Variants in MAP3K15 observed in about 807,000 individuals in gnomAD.
The protein encoded by MAP3K15 is mitogen-activated protein kinase kinase kinase 15.
In MAP3K15, 124 loss-of-function variants were observed where a neutral mutation model predicts 99.5. The observed-to-expected ratio is 1.25, with a 90% CI of 1.08 to 1.45. The LOEUF is 1.45. Among genes scored for constraint, MAP3K15 ranks in the 40% most tolerant of loss-of-function variants. The probability of loss-of-function intolerance (pLI) is 0.00; values close to 1 mark genes in which losing one functional copy is unlikely to be tolerated. For missense variants in MAP3K15, 1,242 were observed against 1,079.7 expected, an observed-to-expected ratio of 1.15 and a Z score of -2.11; for synonymous variants, 494 against 439.6, an observed-to-expected ratio of 1.12 and a Z score of -1.55.
At chrX:19,407,469 A>G (rs749766013) in intron 12 of MAP3K15, among the ~76,000 whole-genome samples, 186 bp from the exon 13 acceptor site, 38 of 111,915 alleles carry the variant, frequency 3.4e-4, no homozygotes, top group African/African-American at 1.2e-3. Flanking sequence ...TCTTGCTTAT[A>G]TTTGAGTTTG....
In MAP3K15 at chrX:19,469,966, G is replaced by A. The variant is rs1337314363; in HGVS notation, c.526-5560C>T. Among the ~76,000 whole-genome samples the A allele has an allele frequency of 3.6e-5, 4 of 110,465 alleles. No homozygotes were observed. In the East Asian group the frequency reaches 1.1e-3, roughly 31 times the overall value. On this transcript the variant is annotated intron_variant, in intron 3 of 28. Coordinates refer to ENST00000338883, the MANE Select transcript of MAP3K15 (RefSeq NM_001001671.4). The stretch of plus-strand genomic sequence containing the variant: ...ACACTGGTGGTGGGACTGTAAACTA[G>A]TTCAACCATTGTGGAAGTCAGTGTG...
At chrX:19,389,474 C>G (rs995572480) in intron 18 of MAP3K15, among the ~76,000 whole-genome samples, 3 of 111,297 alleles carry the variant, frequency 2.7e-5, no homozygotes, top group Non-Finnish European at 5.7e-5. Context: ...TGAGCAACCA[C>G]AGACCCAGAG....
intron 21 of MAP3K15, chrX:19,373,315 G>T: frequency 2.6e-6 from 1 of 391,630 alleles, no homozygotes; most frequent in African/African-American, 3.0e-5. Context: ...GTGGGGGAGG[G>T]CACATGTGGG....
chrX:19,362,776 T>G lies in MAP3K15; in HGVS notation c.3641A>C (p.Gln1214Pro), dbSNP rs1475350527. The change falls in exon 26 of 29, where the codon CAA (glutamine) becomes CCA (proline). Residue 1214 changes from glutamine (Q) to proline (P), a missense_variant. Physicochemically the swap from Gln to Pro is moderately conservative, Grantham distance 76 (BLOSUM62 -1). Transcript: ENST00000338883. ...TTTTAACTGAAGGTGATACAATTCT[T>G]GAGTTTTCTGTTCTAGAGTTTGCCG... is the stretch of plus-strand genomic sequence containing the variant. The part of the protein sequence containing the change: ...LLRQTLEQKT[Q>P]ELYHLQLKLK... 8.4e-7 allele frequency: 1 copy of G among 1,196,020 alleles called. No homozygotes were observed.
At chrX:19,397,628 A>G (rs1231230974) in intron 15 of MAP3K15, among the ~76,000 whole-genome samples, 1 of 111,230 alleles carries the variant, frequency 9.0e-6, no homozygotes, top group East Asian at 2.8e-4. Flanking sequence ...ATGTATATAT[A>G]TTTGCAAACA....
At chrX:19,393,757 GCT>G (rs2063544234) in intron 16 of MAP3K15, among the ~76,000 whole-genome samples, 1 of 93,608 alleles carries the variant, frequency 1.1e-5, no homozygotes, top group Non-Finnish European at 2.0e-5. Flanking sequence ...CCACTGCCTG[GCT>G]CTTTTTTTTT....
At chrX:19,384,787 A>T (rs1173267331) in intron 18 of MAP3K15, among the ~76,000 whole-genome samples, 58 of 103,462 alleles carry the variant, frequency 5.6e-4, no homozygotes, top group African/African-American at 1.9e-3. Context: ...AAAACTGTAC[A>T]TTTTAAAAAA....
At position 19,369,048 on chromosome X, in the gene MAP3K15, C is replaced by CCCAGAGGAGAGACCAA; in HGVS notation, c.3566+5_3566+6insTTGGTCTCTCCTCTGG. 1 of 1,189,393 alleles carries CCCAGAGGAGAGACCAA rather than the reference C, an allele frequency of 8.4e-7. No homozygotes were observed. The highest frequency in any genetic ancestry group is 1.1e-6 in the Non-Finnish European group (1 of 884,945). On this transcript the variant is annotated splice_donor_region_variant and intron_variant, in intron 25 of 28. Transcript: ENST00000338883. ...GCTCCCAGAGGAGGGCCCAGAAGCT[C>CCCAGAGGAGAGACCAA]CTCACCTGTTGGTCTCCTGTCTGAG...
chrX:19,489,865 G>A (rs1051098891), intron 1 of MAP3K15, among the ~76,000 whole-genome samples: 6 of 110,156 alleles, frequency 5.4e-5, no homozygotes, highest in East Asian at 2.9e-4. Context: ...GTGAAACCCC[G>A]TCTCTACTAA....
At chrX:19,407,108 A>C (rs2063654060) in intron 13 of MAP3K15, 80 bp downstream of exon 13, 1 of 562,579 alleles carries the variant, frequency 1.8e-6, no homozygotes. Flanking sequence ...AATAGCAAGT[A>C]AATATCTTTC....
chrX:19,430,326 G>A (rs1028612311), intron 7 of MAP3K15, among the ~76,000 whole-genome samples: 2 of 111,598 alleles, frequency 1.8e-5, no homozygotes, highest in African/African-American at 6.5e-5. Flanking sequence ...ATGGTGGAGA[G>A]CTAAGGTACA....
intron 7 of MAP3K15, among the ~76,000 whole-genome samples, chrX:19,427,257 C>T (rs945911683): frequency 1.8e-5 from 2 of 111,396 alleles, no homozygotes; most frequent in Middle Eastern, 4.2e-3. Context: ...GATCCTCCCA[C>T]CTCAGCCTCC....
chrX:19,474,549 G>GC (rs1458900557), intron 3 of MAP3K15, among the ~76,000 whole-genome samples: 9 of 96,532 alleles, frequency 9.3e-5, no homozygotes, highest in Non-Finnish European at 1.7e-4. Context: ...AGGTTGGGGG[G>GC]GGGGGTCTGT....
intron 18 of MAP3K15, among the ~76,000 whole-genome samples, chrX:19,389,353 C>T (rs1320555778): frequency 9.2e-6 from 1 of 108,495 alleles, no homozygotes; most frequent in African/African-American, 3.4e-5. Context: ...AACAGCCCTT[C>T]CTCCTGTTCT....
At chrX:19,441,557 G>T (rs192017543) in intron 6 of MAP3K15, among the ~76,000 whole-genome samples, 149 of 111,654 alleles carry the variant, frequency 1.3e-3, no homozygotes, top group African/African-American at 4.7e-3. Flanking sequence ...TGCATCCTCC[G>T]ACTCCAGGGC....
At chrX:19,386,514 C>T (rs765458515) in intron 18 of MAP3K15, among the ~76,000 whole-genome samples, 60 of 110,799 alleles carry the variant, frequency 5.4e-4, no homozygotes, top group Non-Finnish European at 9.1e-4. Flanking sequence ...TGCTCCCTAA[C>T]CTATATTTCC....
intron 6 of MAP3K15, among the ~76,000 whole-genome samples, chrX:19,444,526 A>T (rs765551160): frequency 8.9e-6 from 1 of 111,784 alleles, no homozygotes. Context: ...AAATAGAACC[A>T]CTTTTGAATA....
Position 19,449,894 on chromosome X carries a change from A to G in MAP3K15, c.995+7019T>C, listed in dbSNP as rs1309271038. Among the ~76,000 whole-genome samples the G allele has an allele frequency of 2.8e-5, 3 of 108,880 alleles. No individual in the cohort carries two copies. The Admixed American group carries it at 2.9e-4, about 11-fold the overall frequency. 94.5% of individuals were successfully genotyped at this position (108,880 alleles called of 115,157 possible). ...GTGGTGGCAATCTCTGTATTTTGCT[A>G]GTAGTTTTGGTATTTGGAAATGGTC... On this transcript the variant is annotated intron_variant, in intron 6 of 28. Coordinates refer to ENST00000338883, the MANE Select transcript of MAP3K15 (RefSeq NM_001001671.4).
chrX:19,376,958 C>T (rs750717642), intron 19 of MAP3K15: 1 of 111,635 alleles, frequency 9.0e-6, no homozygotes, highest in East Asian at 2.8e-4. Flanking sequence ...ATTCCAGAAC[C>T]CATTTTCATT....
Sources: allele counts gnomAD v4.1 joint callset (sites outside exome capture counted in the v4.1 genomes callset), GRCh38; gene constraint gnomAD v4.1.1; transcripts MANE v1.5; gene names NCBI Gene and HGNC (gene_info 2026-07-23, HGNC 2026-07-21).